RIT2: variants seen among roughly 807,000 people sequenced by gnomAD.
RIT2 encodes the protein GTP-binding protein Rit2.
In RIT2, 24 loss-of-function variants were observed where a neutral mutation model predicts 23.7. The observed-to-expected ratio is 1.01, with a 90% CI of 0.73 to 1.43. RIT2 has a LOEUF of 1.43. RIT2 is among the 40% of genes most tolerant of loss of function. The pLI is 0.00. For synonymous variants in RIT2, 107 were observed against 91.1 expected (o/e 1.17, Z -0.99); for missense variants, 236 against 266.9 (o/e 0.88, Z 0.81).
intron 2 of RIT2, among the ~76,000 whole-genome samples, chr18:43,009,920 C>T (rs768587482): frequency 6.6e-6 from 1 of 151,676 alleles, no homozygotes; most frequent in Non-Finnish European, 1.5e-5. Flanking sequence ...GTTTTATCCA[C>T]TCTGTCATGT....
intron 1 of RIT2, among the ~76,000 whole-genome samples, chr18:43,049,033 G>T (rs988106825): frequency 4.6e-5 from 7 of 152,094 alleles, no homozygotes; most frequent in African/African-American, 1.7e-4. Flanking sequence ...ACTTGGTTAG[G>T]GTTGTTTTCT....
intron 4 of RIT2, among the ~76,000 whole-genome samples, chr18:42,915,953 T>C (rs550868309): frequency 6.6e-6 from 1 of 151,918 alleles, no homozygotes; most frequent in Non-Finnish European, 1.5e-5. Context: ...TATTTTTTTC[T>C]TTTAGTTCTC....
chr18:42,920,800 C>T, intron 4 of RIT2: 1 of 1,361,136 alleles, frequency 7.3e-7, no homozygotes, highest in Non-Finnish European at 1.0e-6. Context: ...AATCCTACTC[C>T]TTTGCCTCTC....
intron 4 of RIT2, among the ~76,000 whole-genome samples, chr18:42,892,150 C>T (rs761811359): frequency 6.6e-6 from 1 of 152,168 alleles, no homozygotes; most frequent in Non-Finnish European, 1.5e-5. Context: ...TCATGCTCGC[C>T]TCCTCCAATC....
intron 4 of RIT2, among the ~76,000 whole-genome samples, chr18:42,923,000 C>A (rs1909090605): frequency 6.6e-6 from 1 of 152,072 alleles, no homozygotes; most frequent in African/African-American, 2.4e-5. Context: ...ATTTTATTTG[C>A]CACTGATTCT....
At chr18:42,911,743 C>G (rs1477175187) in intron 4 of RIT2, among the ~76,000 whole-genome samples, 1 of 151,814 alleles carries the variant, frequency 6.6e-6, no homozygotes, top group Non-Finnish European at 1.5e-5. Flanking sequence ...CAGCCAAAAT[C>G]AAATAGATAA....
intron 4 of RIT2, among the ~76,000 whole-genome samples, chr18:42,890,737 A>G (rs1024896319): frequency 2.6e-5 from 4 of 152,148 alleles, no homozygotes; most frequent in Non-Finnish European, 5.9e-5. Flanking sequence ...AATTGGTTTC[A>G]CATTCTTTCA....
At chr18:43,031,864 T>C (rs966126366) in intron 2 of RIT2, among the ~76,000 whole-genome samples, 9 of 152,092 alleles carry the variant, frequency 5.9e-5, no homozygotes, top group African/African-American at 2.2e-4. Flanking sequence ...TATTCTTTTA[T>C]AATTTGAATG....
intron 4 of RIT2, among the ~76,000 whole-genome samples, chr18:42,809,906 AAT>A (rs1479987187): frequency 3.2e-5 from 4 of 125,606 alleles, no homozygotes; most frequent in African/African-American, 1.1e-4. Flanking sequence ...TATTATATAT[AAT>A]ATATATAATT....
chr18:42,965,711 C>CTTTTTTTTTTTTTTTTTTTTTTTT lies in RIT2; in HGVS notation c.234+8339_234+8362dup, dbSNP rs58344278. ...GGTAAACAAAGATGTGTACTGATGG[C>CTTTTTTTTTTTTTTTTTTTTTTTT]TTTTTTTTTTTTTTTTTTTTTTTTT... On this transcript the variant is annotated intron_variant, in intron 3 of 4. Transcript: ENST00000326695. 6.6e-4 allele frequency among the ~76,000 whole-genome samples: 25 copies of CTTTTTTTTTTTTTTTTTTTTTTTT among 37,786 alleles called. 4 individuals are homozygous for CTTTTTTTTTTTTTTTTTTTTTTTT. Among genetic ancestry groups the CTTTTTTTTTTTTTTTTTTTTTTTT allele is most frequent in the Non-Finnish European group, 9.1e-4 (17 of 18,728 alleles). The allele number at this position is 37,786 out of a possible 152,430, so 24.8% of individuals were successfully genotyped here. A position where few individuals can be genotyped will look rare whatever the true frequency, so the allele number is the denominator to read the frequency against.
rs184242436 is a variant in RIT2 at position 42,797,595 on chromosome 18, C to T, written c.427-53875G>A. ...ATGAGAAAGGGACCTCACAACTAAC[C>T]TCAGCACAGGCAAATGCAAGACCCC... On this transcript the variant is annotated intron_variant, in intron 4 of 4. Coordinates refer to ENST00000326695, the MANE Select transcript of RIT2 (RefSeq NM_002930.4). Among the ~76,000 whole-genome samples, 7 of 152,188 alleles carry T rather than the reference C, an allele frequency of 4.6e-5. No homozygotes were observed. The East Asian group carries it at 7.7e-4, about 17-fold the overall frequency.
intron 4 of RIT2, among the ~76,000 whole-genome samples, chr18:42,825,106 T>C (rs1906259098): frequency 6.6e-6 from 1 of 151,936 alleles, no homozygotes; most frequent in Non-Finnish European, 1.5e-5. Context: ...ACTTATGTTA[T>C]TTAATTTAAT....
At chr18:42,990,506 AC>A (rs1238579557) in intron 2 of RIT2, among the ~76,000 whole-genome samples, 1 of 152,210 alleles carries the variant, frequency 6.6e-6, no homozygotes, top group East Asian at 1.9e-4. Flanking sequence ...AGAAACCGTT[AC>A]ACTCCCTATT....
chr18:43,033,848 A>G lies in RIT2; in HGVS notation c.123T>C (p.Ile41=). 1 of 1,608,030 alleles carries G rather than the reference A, an allele frequency of 6.2e-7. No individual in the cohort carries two copies. The highest frequency in any genetic ancestry group is 1.1e-5 in the South Asian group (1 of 90,724). The change falls in exon 2 of 5, where the codon ATT becomes ATC. Residue 41 remains isoleucine (I), a synonymous_variant. Coordinates refer to ENST00000326695, the MANE Select transcript of RIT2 (RefSeq NM_002930.4). ...CATGATAATCAGGGAACTGATGACT[A>G]ATAAACTGCATTGTCATTGCTGAAA... ...VGKSAMTMQF[I]SHQFPDYHDP... is the part of the protein sequence containing the mutation.
chr18:42,949,435 GTTTCAAAATAATTATTC>G (rs1260319260), intron 3 of RIT2, among the ~76,000 whole-genome samples: 3 of 152,056 alleles, frequency 2.0e-5, no homozygotes, highest in Admixed American at 6.6e-5. Context: ...TTACATAAAT[GTTTCAAAATAATTATTC>G]TTGGCTACAA....
chr18:43,079,789 A>G (rs1598774634), intron 1 of RIT2, among the ~76,000 whole-genome samples: 1 of 152,358 alleles, frequency 6.6e-6, no homozygotes, highest in East Asian at 1.9e-4. Flanking sequence ...ACTGTCGGTC[A>G]GTGAAGTTCG....
At chr18:42,959,421 T>C (rs935811469) in intron 3 of RIT2, among the ~76,000 whole-genome samples, 5 of 152,236 alleles carry the variant, frequency 3.3e-5, no homozygotes, top group African/African-American at 9.6e-5. Context: ...TACTATACTA[T>C]CACTCTTAAA....
intron 4 of RIT2, among the ~76,000 whole-genome samples, chr18:42,844,017 T>A (rs184954859): frequency 7.7e-4 from 117 of 152,262 alleles, no homozygotes; most frequent in Admixed American, 1.8e-3. Flanking sequence ...TGATGCAGGA[T>A]TTTCTCAGAC....
chr18:43,057,797 A>ATTTTTTTTTTTTTTTTTTTTT (rs1306990856), intron 1 of RIT2, among the ~76,000 whole-genome samples: 1 of 85,020 alleles, frequency 1.2e-5, no homozygotes, highest in South Asian at 3.8e-4. Flanking sequence ...AGTGATGGAC[A>ATTTTTTTTTTTTTTTTTTTTT]CTTTTTTTTT....
Sources: gnomAD v4.1 joint callset for allele counts (sites outside exome capture counted in the v4.1 genomes callset) on GRCh38, gnomAD v4.1.1 for gene constraint, MANE v1.5 for transcripts, NCBI Gene and HGNC (gene_info 2026-07-23, HGNC 2026-07-21) for gene names.